Variants in PCBD1 observed in about 807,000 individuals in gnomAD.
PCBD1 encodes pterin-4-alpha-carbinolamine dehydratase.
PCBD1 carries 16 observed loss-of-function variants against 12.6 expected under a neutral mutation model. That is an observed-to-expected ratio of 1.27 (90% CI 0.86 to 1.93). The LOEUF is 1.93. Ranked by LOEUF, PCBD1 falls within the 30% of genes most tolerant of loss-of-function variation. PCBD1 has a pLI of 0.00. For synonymous variants in PCBD1, 53 were observed against 50.2 expected (o/e 1.05, Z -0.23); for missense variants, 86 against 130.1 (o/e 0.66, Z 1.65).
downstream of PCBD1, chr10:70,883,462 A>G (rs906062316): frequency 3.1e-6 from 3 of 973,850 alleles, no homozygotes; most frequent in African/African-American, 3.4e-5. Flanking sequence ...ATGCCTATTG[A>G]CTCCAATTTG....
downstream of PCBD1, among the ~76,000 whole-genome samples, chr10:70,882,755 G>T (rs917822262): frequency 6.6e-5 from 10 of 152,132 alleles, no homozygotes; most frequent in African/African-American, 2.4e-4. Flanking sequence ...AAATGCCTGG[G>T]CACCCCATGG....
Position 70,883,735 on chromosome 10 carries a change from C to A in PCBD1, c.*215G>T, listed in dbSNP as rs1209088356. The stretch of plus-strand genomic sequence containing the variant: ...GTTTATTCAAATTAGTGTAACAGAG[C>A]CCCCAGGATGAAGAGAGTGGTGCAG... On this transcript the variant is annotated 3_prime_UTR_variant, in exon 4 of 4. Transcript: ENST00000299299. 4.2e-6 allele frequency: 6 copies of A among 1,419,024 alleles called. No homozygotes were observed. The highest frequency in any genetic ancestry group is 5.5e-6 in the Non-Finnish European group (6 of 1,086,876). The allele number at this position is 1,419,024 out of a possible 1,614,324, so 87.9% of individuals were successfully genotyped here. A position where few individuals can be genotyped will look rare whatever the true frequency, so the allele number is the denominator to read the frequency against.
chr10:70,884,167 C>G (rs980076764), intron 3 of PCBD1, 119 bp from the exon 4 acceptor site: 23 of 883,734 alleles, frequency 2.6e-5, no homozygotes, highest in Non-Finnish European at 4.0e-5. Flanking sequence ...AGTACGATCT[C>G]TCCTGGGGAC....
At chr10:70,885,729 G>A in intron 2 of PCBD1, 69 bp downstream of exon 2, 1 of 1,590,830 alleles carries the variant, frequency 6.3e-7, no homozygotes. Flanking sequence ...CGTGAAGGGA[G>A]AGAACATGCT....
chr10:70,884,654 T>C (rs944545984), intron 3 of PCBD1, among the ~76,000 whole-genome samples: 1 of 152,022 alleles, frequency 6.6e-6, no homozygotes, highest in Non-Finnish European at 1.5e-5. Flanking sequence ...CCTAATTTTT[T>C]TGTGTTTTTA....
chr10:70,887,825 T>A (rs1006575960), intron 1 of PCBD1: 4 of 151,952 alleles, frequency 2.6e-5, no homozygotes, highest in African/African-American at 7.3e-5. Flanking sequence ...CAAGTCCCTC[T>A]CCTATCAAAA....
At chr10:70,882,298 T>C (rs1480254698), downstream of PCBD1, 1 of 152,204 alleles carries the variant, frequency 6.6e-6, no homozygotes, top group Non-Finnish European at 1.5e-5. Context: ...CTGCCATATC[T>C]GATATGATAG....
At chr10:70,886,496 C>A (rs950720583) in intron 1 of PCBD1, among the ~76,000 whole-genome samples, 1 of 152,240 alleles carries the variant, frequency 6.6e-6, no homozygotes, top group Non-Finnish European at 1.5e-5. Flanking sequence ...CCGCCCACCC[C>A]TAGCCAGTGA....
chr10:70,882,938 TG>T (rs1846521441), downstream of PCBD1, among the ~76,000 whole-genome samples: 1 of 150,406 alleles, frequency 6.6e-6, no homozygotes, highest in African/African-American at 2.4e-5. Flanking sequence ...AAATCTAAAA[TG>T]ATCCAATGAG....
chr10:70,885,887 G>A lies in PCBD1; in HGVS notation c.46C>T (p.Leu16=). The part of the protein sequence containing the change: ...HRLSAEERDQ[L]LPNLRAVGWN... The stretch of plus-strand genomic sequence containing the variant: ...CCCACAGCCCTCAGGTTTGGCAGCA[G>A]CTGGTCCCTCTCCTCAGCGCTCAGC... The change falls in exon 2 of 4, where the codon CTG becomes TTG. Residue 16 remains leucine, a synonymous_variant. Transcript: ENST00000299299. 1 of 1,614,068 alleles carries A rather than the reference G, an allele frequency of 6.2e-7. No individual in the cohort carries two copies. The highest frequency in any genetic ancestry group is 1.1e-5 in the South Asian group (1 of 91,036).
Position 70,883,735 on chromosome 10 carries a change from C to G in PCBD1, c.*215G>C. ...GTTTATTCAAATTAGTGTAACAGAG[C>G]CCCCAGGATGAAGAGAGTGGTGCAG... On this transcript the variant is annotated 3_prime_UTR_variant, in exon 4 of 4. Transcript: ENST00000299299. 7.0e-7 allele frequency: 1 copy of G among 1,419,142 alleles called. No individual in the cohort carries two copies. 87.9% of individuals were successfully genotyped at this position (1,419,142 alleles called of 1,614,324 possible).
Position 70,883,711 on chromosome 10 carries a change from T to G in PCBD1, c.*239A>C. 2.1e-5 allele frequency: 28 copies of G among 1,355,230 alleles called. No homozygotes were observed. The highest frequency in any genetic ancestry group is 5.8e-5 in the East Asian group (2 of 34,376). 84.0% of individuals were successfully genotyped at this position (1,355,230 alleles called of 1,614,324 possible). A position where few individuals can be genotyped will look rare whatever the true frequency, so the allele number is the denominator to read the frequency against. On this transcript the variant is annotated 3_prime_UTR_variant, in exon 4 of 4. Coordinates refer to ENST00000299299, the MANE Select transcript of PCBD1 (RefSeq NM_000281.4). Reference sequence around the variant, plus strand: ...GGGAAGTTGCAAAGAAAGGGGAGAGTTTATTCAAATTAGTGTAACAGAGCC... The same window carrying G: ...GGGAAGTTGCAAAGAAAGGGGAGAGGTTATTCAAATTAGTGTAACAGAGCC...
intron 3 of PCBD1, among the ~76,000 whole-genome samples, chr10:70,884,399 G>A (rs1303806251): frequency 6.6e-6 from 1 of 151,590 alleles, no homozygotes; most frequent in Non-Finnish European, 1.5e-5. Context: ...GACCAGCAGA[G>A]CTTTTGGCAC....
chr10:70,884,411 T>G (rs1846548794), intron 3 of PCBD1, among the ~76,000 whole-genome samples: 2 of 151,862 alleles, frequency 1.3e-5, no homozygotes, highest in Admixed American at 1.3e-4. Context: ...TTTTGGCACA[T>G]GGTAGACATT....
At position 70,885,275 on chromosome 10, in the gene PCBD1, A is replaced by G. The variant is rs757530102; in HGVS notation, c.136-43T>C. The G allele has an allele frequency of 2.4e-5, 36 of 1,498,710 alleles. No homozygotes were observed. The South Asian group carries it at 4.1e-4, about 17-fold the overall frequency. The allele number at this position is 1,498,710 out of a possible 1,614,324, so 92.8% of individuals were successfully genotyped here. A position where few individuals can be genotyped will look rare whatever the true frequency, so the allele number is the denominator to read the frequency against. ...GAGCCAGGTTAGTGTTCTAAGAGAA[A>G]GGACTTCTGGACATCACCAATTCAA... On this transcript the variant is annotated intron_variant, in intron 2 of 3. Transcript: ENST00000299299.
At position 70,885,731 on chromosome 10, in the gene PCBD1, G is replaced by GAACA. The variant is rs550190119; in HGVS notation, c.135+63_135+66dup. ...TTGGCTAACAAGACGTGAAGGGAGAGAACATGCTTTGTAAGGTGACCCCAT... is the reference window on the plus strand; with the variant it reads ...TTGGCTAACAAGACGTGAAGGGAGAGAACAAACATGCTTTGTAAGGTGACCCCAT... On this transcript the variant is annotated intron_variant, in intron 2 of 3. Transcript: ENST00000299299. 4.7e-4 allele frequency: 751 copies of GAACA among 1,594,676 alleles called. 1 individual carries two copies. The African/African-American group carries it at 9.4e-3, about 20-fold the overall frequency.
At chr10:70,885,656 C>T in intron 2 of PCBD1, 142 bp downstream of exon 2, 1 of 1,051,616 alleles carries the variant, frequency 9.5e-7, no homozygotes, top group Non-Finnish European at 1.4e-6. Flanking sequence ...AATTAATTTC[C>T]CCACTGGCAC....
In PCBD1 at chr10:70,885,842, G is replaced by C; in HGVS notation, c.91C>G (p.Arg31Gly). ...RAVGWNELEG[R>G]DAIFKQFHFK... ...TGAAACTGCTTGAAGATGGCATCAC[G>C]GCCTTCCAGCTCATTCCACCCCACA... The change falls in exon 2 of 4, where the codon CGT (arginine) becomes GGT (glycine). Residue 31 changes from arginine to glycine, a missense_variant. Physicochemically the swap from Arg to Gly is moderately radical, Grantham distance 125. Transcript: ENST00000299299. The C allele has an allele frequency of 6.2e-7, 1 of 1,614,008 alleles. No homozygotes were observed. Among genetic ancestry groups the C allele is most frequent in the Non-Finnish European group, 8.5e-7 (1 of 1,179,982 alleles).
chr10:70,885,214 T>A lies in PCBD1; in HGVS notation c.154A>T (p.Arg52Ter). ...DFNRAFGFMTRVALQAEKLDH... is the reference protein window; with the variant it reads ...DFNRAFGFMT ...AGTTTCTCAGCCTGCAGGGCCACTC[T>A]TGTCATGAACCCAAAGGCCTATTTA... is the stretch of plus-strand genomic sequence containing the variant. Residue 52 changes from arginine (R) to a stop codon, truncating the protein, a stop_gained, in exon 3 of 4, where the codon AGA (arginine) becomes TGA (stop). Transcript: ENST00000299299. LOFTEE classifies it high-confidence loss of function. 6.2e-7 allele frequency: 1 copy of A among 1,614,058 alleles called. No individual in the cohort carries two copies. The highest frequency in any genetic ancestry group is 8.5e-7 in the Non-Finnish European group (1 of 1,179,928).
Sources: gnomAD v4.1 joint callset for allele counts (sites outside exome capture counted in the v4.1 genomes callset) on GRCh38, gnomAD v4.1.1 for gene constraint, MANE v1.5 for transcripts, NCBI Gene and HGNC (gene_info 2026-07-23, HGNC 2026-07-21) for gene names.